Variants in ATXN10 observed in about 807,000 individuals in gnomAD.
ATXN10 encodes the protein ataxin 10.
A neutral mutation model predicts 52.9 loss-of-function variants in ATXN10; 28 were observed. The observed-to-expected ratio is 0.53, with a 90% CI of 0.39 to 0.73. ATXN10 has a LOEUF of 0.73. Among genes scored for constraint, ATXN10 ranks in the 30% least tolerant of loss-of-function variants. The pLI, the probability that ATXN10 is intolerant of heterozygous loss-of-function variation, is 0.00. For missense variants in ATXN10, 565 were observed against 577.0 expected, an observed-to-expected ratio of 0.98 and a Z score of 0.21; for synonymous variants, 226 against 221.5, an observed-to-expected ratio of 1.02 and a Z score of -0.18.
rs773174728 is a variant in ATXN10 at position 45,757,835 on chromosome 22, T to C, written c.1173+17297T>C. Among the ~76,000 whole-genome samples, 5 of 152,212 alleles carry C rather than the reference T, an allele frequency of 3.3e-5. No individual in the cohort carries two copies. The highest frequency in any genetic ancestry group is 4.8e-5 in the African/African-American group (2 of 41,452). Reference sequence around the variant, plus strand: ...TCTTACATGATTCAACTTGGACTTATTAGAGAAATAAACTCTGGCACACTT... The same window carrying C: ...TCTTACATGATTCAACTTGGACTTACTAGAGAAATAAACTCTGGCACACTT... On this transcript the variant is annotated intron_variant, in intron 9 of 11. Transcript: ENST00000252934. This position sits in a 1 kb window ranked among gnomAD's most constrained non-coding sequence, Gnocchi z 4.6.
chr22:45,837,490 C>T lies in ATXN10; in HGVS notation c.1238-5501C>T, dbSNP rs1929206262. ...TGTTGGCCAGGCTGGTCTCATACTC[C>T]TGACCTCGTGATCCGCCTGCCTCAG... On this transcript the variant is annotated intron_variant, in intron 10 of 11. Coordinates refer to ENST00000252934, the MANE Select transcript of ATXN10 (RefSeq NM_013236.4). This position sits in a 1 kb window ranked among gnomAD's most constrained non-coding sequence, Gnocchi z 5.8. 6.6e-6 allele frequency among the ~76,000 whole-genome samples: 1 copy of T among 152,212 alleles called. No individual in the cohort carries two copies. The highest frequency in any genetic ancestry group is 1.5e-5 in the Non-Finnish European group (1 of 68,044).
chr22:45,682,502 G>A (rs1206900744), intron 1 of ATXN10, among the ~76,000 whole-genome samples: 1 of 151,972 alleles, frequency 6.6e-6, no homozygotes, highest in Non-Finnish European at 1.5e-5. Context: ...TAGAGACAGG[G>A]TCTTACCATG....
At position 45,705,456 on chromosome 22, in the gene ATXN10, C is replaced by T. The variant is rs1440559191; in HGVS notation, c.647+2609C>T. Among the ~76,000 whole-genome samples the T allele has an allele frequency of 8.0e-5, 12 of 150,898 alleles. No homozygotes were observed. The highest frequency in any genetic ancestry group is 3.9e-4 in the East Asian group (2 of 5,150). The stretch of plus-strand genomic sequence containing the variant: ...CAGGTCTTGGTTTTTTTTTTTGAGA[C>T]GGAGTCTCACTCTGTTGCCCAGGCT... On this transcript the variant is annotated intron_variant, in intron 5 of 11. Transcript: ENST00000252934. The surrounding 1 kb of genome is among the most constrained non-coding windows in gnomAD (Gnocchi z 5.2).
chr22:45,723,784 C>T (rs749681454), intron 6 of ATXN10, among the ~76,000 whole-genome samples: 6 of 151,940 alleles, frequency 3.9e-5, no homozygotes, highest in Admixed American at 2.0e-4. Context: ...GGAGAAACCC[C>T]GTCTCTACTA....
chr22:45,754,343 A>G lies in ATXN10; in HGVS notation c.1173+13805A>G, dbSNP rs908146014. On this transcript the variant is annotated intron_variant, in intron 9 of 11. Coordinates refer to ENST00000252934, the MANE Select transcript of ATXN10 (RefSeq NM_013236.4). This position sits in a 1 kb window ranked among gnomAD's most constrained non-coding sequence, Gnocchi z 5.4. ...CCCTTTCTTCATCTGTAAAGTAGAG[A>G]TGATTTTACTTCCCTCATACATTTA... Among the ~76,000 whole-genome samples, 7 of 152,226 alleles carry G rather than the reference A, an allele frequency of 4.6e-5. No individual in the cohort carries two copies. The highest frequency in any genetic ancestry group is 7.3e-5 in the Non-Finnish European group (5 of 68,042).
intron 9 of ATXN10, among the ~76,000 whole-genome samples, chr22:45,792,211 G>A (rs192632547): frequency 1.5e-4 from 23 of 152,242 alleles, no homozygotes; most frequent in Admixed American, 1.4e-3. Flanking sequence ...AAGATTCAAT[G>A]ATATAAATTA....
Position 45,784,189 on chromosome 22 carries a change from A to T in ATXN10, c.1174-22770A>T, listed in dbSNP as rs1033242769. 2.6e-5 allele frequency among the ~76,000 whole-genome samples: 4 copies of T among 152,176 alleles called. No homozygotes were observed. The highest frequency in any genetic ancestry group is 9.7e-5 in the African/African-American group (4 of 41,442). Reference sequence around the variant, plus strand: ...TGTGTGGTACAATTTTTAAAAAAAAATGTACATTTTTAAATTAGGCAGATC... The same window carrying T: ...TGTGTGGTACAATTTTTAAAAAAAATTGTACATTTTTAAATTAGGCAGATC... On this transcript the variant is annotated intron_variant, in intron 9 of 11. Coordinates refer to ENST00000252934, the MANE Select transcript of ATXN10 (RefSeq NM_013236.4). This position sits in a 1 kb window ranked among gnomAD's most constrained non-coding sequence, Gnocchi z 4.2.
At chr22:45,751,929 T>C (rs1038782840) in intron 9 of ATXN10, among the ~76,000 whole-genome samples, 3 of 151,332 alleles carry the variant, frequency 2.0e-5, no homozygotes, top group African/African-American at 7.3e-5. Flanking sequence ...TTCCTGTCAG[T>C]GCTTGAAGGC....
intron 9 of ATXN10, among the ~76,000 whole-genome samples, chr22:45,782,002 A>G (rs1258861112): frequency 6.6e-6 from 1 of 152,262 alleles, no homozygotes; most frequent in Non-Finnish European, 1.5e-5. Context: ...AGGCCGAAAA[A>G]GTATTCAAAA....
chr22:45,809,243 T>C (rs1031846844), intron 10 of ATXN10, among the ~76,000 whole-genome samples: 18 of 152,198 alleles, frequency 1.2e-4, no homozygotes, highest in African/African-American at 3.9e-4. Flanking sequence ...TGATGCTTCT[T>C]CCAGGCCATT....
rs550699367 is a variant in ATXN10 at position 45,787,888 on chromosome 22, A to C, written c.1174-19071A>C. On this transcript the variant is annotated intron_variant, in intron 9 of 11. Transcript: ENST00000252934. This position sits in a 1 kb window ranked among gnomAD's most constrained non-coding sequence, Gnocchi z 4.2. ...CTGATGATCTTTTTCCAGGAACAAA[A>C]ATATTCATATCATTTACAAATTAAT... 2.6e-5 allele frequency among the ~76,000 whole-genome samples: 4 copies of C among 152,314 alleles called. No homozygotes were observed. Among genetic ancestry groups the C allele is most frequent in the African/African-American group, 9.6e-5 (4 of 41,570 alleles).
intron 5 of ATXN10, among the ~76,000 whole-genome samples, chr22:45,711,749 A>C (rs964572032): frequency 6.6e-6 from 1 of 152,206 alleles, no homozygotes; most frequent in Admixed American, 6.5e-5. Flanking sequence ...ATAACAGACT[A>C]TCATGTTAGG....
At chr22:45,672,432 C>T (rs923023976) in intron 1 of ATXN10, 49 of 213,932 alleles carry the variant, frequency 2.3e-4, no homozygotes, top group Non-Finnish European at 3.6e-4. Flanking sequence ...GCCGCGATCC[C>T]GGGAGCCCTT....
intron 10 of ATXN10, among the ~76,000 whole-genome samples, chr22:45,839,308 C>CA: frequency 6.6e-6 from 1 of 152,368 alleles, no homozygotes; most frequent in Admixed American, 6.5e-5. Flanking sequence ...CTTTGGGCTT[C>CA]AGTGTTTCTT....
intron 5 of ATXN10, among the ~76,000 whole-genome samples, chr22:45,714,373 T>C (rs1181868545): frequency 1.3e-5 from 2 of 152,134 alleles, no homozygotes; most frequent in African/African-American, 4.8e-5. Flanking sequence ...ATTTTGACTT[T>C]GTTCGTGGTA....
Position 45,678,934 on chromosome 22 carries a change from A to G in ATXN10, c.116+6755A>G, listed in dbSNP as rs890316544. 2 of 152,358 alleles carry G rather than the reference A, an allele frequency of 1.3e-5. No homozygotes were observed. The highest frequency in any genetic ancestry group is 1.9e-4 in the East Asian group (1 of 5,190). The allele number at this position is 152,358 out of a possible 1,614,324, so 9.4% of individuals were successfully genotyped here. Reference sequence around the variant, plus strand: ...TACATTTGTAATTTGCTAAAAATGTATATTTGTAATTTATATTTACAAAAT... The same window carrying G: ...TACATTTGTAATTTGCTAAAAATGTGTATTTGTAATTTATATTTACAAAAT... On this transcript the variant is annotated intron_variant, in intron 1 of 11. Coordinates refer to ENST00000252934, the MANE Select transcript of ATXN10 (RefSeq NM_013236.4). This position sits in a 1 kb window ranked among gnomAD's most constrained non-coding sequence, Gnocchi z 4.1.
chr22:45,685,155 A>G (rs949345733), intron 1 of ATXN10, among the ~76,000 whole-genome samples: 10 of 151,234 alleles, frequency 6.6e-5, no homozygotes, highest in African/African-American at 2.4e-4. Context: ...ATGTGTGTGC[A>G]TACAGTATAT....
At chr22:45,815,724 C>T in intron 10 of ATXN10, among the ~76,000 whole-genome samples, 1 of 152,134 alleles carries the variant, frequency 6.6e-6, no homozygotes, top group East Asian at 1.9e-4. Flanking sequence ...GGTCCAAGCT[C>T]TCCTGGCTTG....
intron 1 of ATXN10, chr22:45,679,175 A>G (rs2146724639): frequency 6.6e-6 from 1 of 152,334 alleles, no homozygotes; most frequent in East Asian, 1.9e-4. Context: ...GTCTCACTAG[A>G]GTGAGAGCAG....
Sources: gnomAD v4.1 joint callset for allele counts (sites outside exome capture counted in the v4.1 genomes callset) on GRCh38, gnomAD v4.1.1 for gene constraint, Gnocchi (gnomAD v3.1) non-coding constraint, MANE v1.5 for transcripts, NCBI Gene and HGNC (gene_info 2026-07-23, HGNC 2026-07-21) for gene names.